The following ADCY3 variants were observed in gnomAD, a reference collection of about 807,000 sequenced individuals.
The protein encoded by ADCY3 is adenylate cyclase 3, also known as adenylate cyclase type 3.
ADCY3 carries 70 observed loss-of-function variants against 119.4 expected under a neutral mutation model. That is an observed-to-expected ratio of 0.59 (90% confidence interval 0.48 to 0.72). The LOEUF (loss-of-function observed/expected upper bound fraction) is 0.72, where lower values mean the gene tolerates loss of function less well. Among genes scored for constraint, ADCY3 ranks in the 30% least tolerant of loss-of-function variants. The probability of loss-of-function intolerance (pLI) is 0.00; values close to 1 mark genes in which losing one functional copy is unlikely to be tolerated. For missense variants in ADCY3, 1,238 were observed against 1,541.6 expected, an observed-to-expected ratio of 0.80 and a Z score of 3.30; for synonymous variants, 672 against 621.4, an observed-to-expected ratio of 1.08 and a Z score of -1.21.
chr2:24,843,560 G>A (rs1208009886), intron 3 of ADCY3, among the ~76,000 whole-genome samples: 1 of 152,244 alleles, frequency 6.6e-6, no homozygotes, highest in African/African-American at 2.4e-5. Flanking sequence ...TCCAATGGCA[G>A]AGTGGGGTAG....
intron 11 of ADCY3, among the ~76,000 whole-genome samples, chr2:24,833,749 G>A (rs11688862): frequency 2.0e-5 from 3 of 152,048 alleles, no homozygotes; most frequent in Admixed American, 2.0e-4. Context: ...CACCACAGTC[G>A]TGAGTGTCCG....
chr2:24,855,356 T>C (rs920831450), intron 3 of ADCY3, among the ~76,000 whole-genome samples: 5 of 151,480 alleles, frequency 3.3e-5, no homozygotes, highest in Admixed American at 6.6e-5. Flanking sequence ...TTTTAAAGAG[T>C]CAAACAGTTC....
intron 2 of ADCY3, among the ~76,000 whole-genome samples, chr2:24,894,776 T>C (rs1440817179): frequency 6.6e-6 from 1 of 151,892 alleles, no homozygotes; most frequent in African/African-American, 2.4e-5. Flanking sequence ...TGCCTCAACA[T>C]TTTTTGTACT....
At chr2:24,912,007 T>C (rs1026957987) in intron 2 of ADCY3, among the ~76,000 whole-genome samples, 11 of 152,232 alleles carry the variant, frequency 7.2e-5, no homozygotes, top group Admixed American at 4.6e-4. Flanking sequence ...AAATAATATT[T>C]GCCTCTTGCC....
chr2:24,852,346 T>C (rs1415267418), intron 3 of ADCY3, among the ~76,000 whole-genome samples: 1 of 151,870 alleles, frequency 6.6e-6, no homozygotes, highest in Non-Finnish European at 1.5e-5. Flanking sequence ...GGGTGGGGGG[T>C]ACAGGGGCAG....
At chr2:24,826,865 G>A (rs76263628) in intron 15 of ADCY3, 7,907 of 152,630 alleles carry the variant, frequency 0.052, 289 homozygotes, top group African/African-American at 0.1. Context: ...TTCTAACACG[G>A]TTGTACTAAC....
Position 24,819,961 on chromosome 2 carries a change from G to A in ADCY3, c.3406C>T (p.Leu1136=), listed in dbSNP as rs376337679. ...ATFPNGPSVT[L]PHQVVDNS ...GAGTTGTCCACCACCTGGTGGGGCA[G>A]TGTGACAGAGGGGCCATTGGGGAAG... Residue 1136 remains leucine (L), a synonymous_variant, in exon 22 of 22, where the codon CTG becomes TTG. Transcript: ENST00000679454. 4.3e-6 allele frequency: 7 copies of A among 1,613,838 alleles called. No homozygotes were observed. The highest frequency in any genetic ancestry group is 1.7e-5 in the Admixed American group (1 of 59,986).
chr2:24,821,696 T>C, intron 19 of ADCY3, 56 bp from the exon 20 acceptor site: 2 of 1,590,544 alleles, frequency 1.3e-6, no homozygotes, highest in Non-Finnish European at 1.7e-6. Flanking sequence ...AGCAGCCTGC[T>C]CTGCTGCCTT....
chr2:24,856,731 C>T (rs953927867), intron 3 of ADCY3, among the ~76,000 whole-genome samples: 3 of 152,166 alleles, frequency 2.0e-5, no homozygotes, highest in African/African-American at 4.8e-5. Flanking sequence ...CTCAGTCACT[C>T]GAAGGACAGT....
At position 24,899,788 on chromosome 2, in the gene ADCY3, T is replaced by C. The variant is rs1018093454; in HGVS notation, c.675+18525A>G. Among the ~76,000 whole-genome samples the C allele has an allele frequency of 6.6e-6, 1 of 152,180 alleles. No homozygotes were observed. The highest frequency in any genetic ancestry group is 2.4e-5 in the African/African-American group (1 of 41,440). ...TGCATAGAGTCACATAAATATGCAA[T>C]TCACAGAAAGATCTCTGGAAGTATC... On this transcript the variant is annotated intron_variant, in intron 2 of 21. Coordinates refer to ENST00000679454, the MANE Select transcript of ADCY3 (RefSeq NM_004036.5). This position sits in a 1 kb window ranked among gnomAD's most constrained non-coding sequence, Gnocchi z 4.5.
intron 3 of ADCY3, among the ~76,000 whole-genome samples, chr2:24,862,357 T>C (rs1419029464): frequency 1.3e-5 from 2 of 152,112 alleles, no homozygotes; most frequent in Non-Finnish European, 2.9e-5. Flanking sequence ...CCATCCTGGC[T>C]AACACGGTGA....
At position 24,824,614 on chromosome 2, in the gene ADCY3, C is replaced by A. The variant is rs186038046; in HGVS notation, c.2578-78G>T. The A allele has an allele frequency of 3.3e-6, 5 of 1,526,626 alleles. No individual in the cohort carries two copies. The African/African-American group carries it at 4.1e-5, about 12-fold the overall frequency. 94.6% of individuals were successfully genotyped at this position (1,526,626 alleles called of 1,614,324 possible). ...AGGATGAAAAACAGGAATGGCCAGG[C>A]GTGGCGGTTCATGCCTGTAATCCCA... On this transcript the variant is annotated intron_variant, in intron 16 of 21. Coordinates refer to ENST00000679454, the MANE Select transcript of ADCY3 (RefSeq NM_004036.5).
rs748946384 is a variant in ADCY3 at position 24,830,762 on chromosome 2, T to G, written c.2119A>C (p.Thr707Pro). Residue 707 changes from threonine (T) to proline (P), a missense_variant, in exon 13 of 22, where the codon ACC (threonine) becomes CCC (proline). Transcript: ENST00000679454. ...ATGAAGATGGCGAGCATGGCCCAGG[T>G]GTTCCTGGCCCAGCGGGTCCGGTCA... ...WIDRTRWARN[T>P]WAMLAIFILV... The G allele has an allele frequency of 6.2e-7, 1 of 1,614,102 alleles. No individual in the cohort carries two copies. The highest frequency in any genetic ancestry group is 8.5e-7 in the Non-Finnish European group (1 of 1,180,004).
At chr2:24,865,824 C>G (rs1397900216) in intron 3 of ADCY3, among the ~76,000 whole-genome samples, 1 of 152,060 alleles carries the variant, frequency 6.6e-6, no homozygotes, top group Non-Finnish European at 1.5e-5. Flanking sequence ...ATTTGAGGGG[C>G]CAAGATCTCA....
intron 2 of ADCY3, among the ~76,000 whole-genome samples, chr2:24,917,966 G>A (rs573571846): frequency 3.5e-4 from 54 of 152,312 alleles, no homozygotes; most frequent in African/African-American, 1.1e-3. Context: ...CTCTTCCCAA[G>A]GGAGGTCCTC....
intron 3 of ADCY3, among the ~76,000 whole-genome samples, chr2:24,852,187 G>A (rs373237991): frequency 7.9e-5 from 12 of 152,118 alleles, no homozygotes; most frequent in Admixed American, 1.3e-4. Context: ...TCACAGAAAC[G>A]GCCCAGCGGC....
At position 24,838,487 on chromosome 2, in the gene ADCY3, T is replaced by C; in HGVS notation, c.1491A>G (p.Pro497=). Residue 497 remains proline, a synonymous_variant, in exon 8 of 22, where the codon CCA becomes CCG. Transcript: ENST00000679454. The part of the protein sequence containing the change: ...IETYLIIASK[P]EVKKTATQNG... ...TCTGGGTGGCTGTTTTCTTCACCTC[T>C]GGCTTGGAGGCAATGATGAGGTAGG... The C allele has an allele frequency of 6.2e-7, 1 of 1,614,004 alleles. No homozygotes were observed. Among genetic ancestry groups the C allele is most frequent in the Non-Finnish European group, 8.5e-7 (1 of 1,180,030 alleles).
chr2:24,820,695 G>A, intron 21 of ADCY3, 29 bp downstream of exon 21: 1 of 1,613,426 alleles, frequency 6.2e-7, no homozygotes, highest in Non-Finnish European at 8.5e-7. Context: ...CCGAGTCTGA[G>A]CACGTGCCAG....
chr2:24,869,719 C>A (rs1674732721), intron 3 of ADCY3, among the ~76,000 whole-genome samples: 1 of 152,146 alleles, frequency 6.6e-6, no homozygotes, highest in Non-Finnish European at 1.5e-5. Flanking sequence ...TACAGGCCAG[C>A]CACATGCCTG....
Sources: allele counts gnomAD v4.1 joint callset (sites outside exome capture counted in the v4.1 genomes callset), GRCh38; gene constraint gnomAD v4.1.1; non-coding constraint Gnocchi (gnomAD v3.1); transcripts MANE v1.5; gene names NCBI Gene and HGNC (gene_info 2026-07-23, HGNC 2026-07-21).